Variants in TGM3 observed in about 807,000 individuals in gnomAD.
TGM3 encodes transglutaminase 3, also known as protein-glutamine gamma-glutamyltransferase E.
TGM3 carries 52 observed loss-of-function variants against 73.8 expected under a neutral mutation model. The observed-to-expected ratio is 0.70, with a 90% CI of 0.56 to 0.89. TGM3 has a LOEUF of 0.89. Among genes scored for constraint, TGM3 ranks in the 40% least tolerant of loss-of-function variants. TGM3 has a pLI of 0.00. For missense variants in TGM3, 928 were observed against 909.9 expected, an observed-to-expected ratio of 1.02 and a Z score of -0.26; for synonymous variants, 372 against 354.9, an observed-to-expected ratio of 1.05 and a Z score of -0.54.
chr20:2,338,362 A>G (rs1460436351), intron 11 of TGM3, among the ~76,000 whole-genome samples: 1 of 152,160 alleles, frequency 6.6e-6, no homozygotes, highest in East Asian at 1.9e-4. Flanking sequence ...AAAAAGAAAA[A>G]AAAGCATGGA....
intron 5 of TGM3, 37 bp from the exon 6 acceptor site, chr20:2,317,031 A>T: frequency 6.2e-7 from 1 of 1,607,884 alleles, no homozygotes; most frequent in Non-Finnish European, 8.5e-7. Context: ...GAAAGGCATT[A>T]GTGCTGACTC....
rs745555290 is a variant in TGM3, at chr20:2,340,387, AG to A, written c.1935-45del. On this transcript the variant is annotated intron_variant, in intron 12 of 12. Coordinates refer to ENST00000381458, the MANE Select transcript of TGM3 (RefSeq NM_003245.4). ...GGTCACAGGAGGCCCGTCCAGCCCA[AG>A]GTCCGTGTGTCTCGTATCAACACTG... The A allele has an allele frequency of 4.6e-5, 74 of 1,609,170 alleles. No individual in the cohort carries two copies. In the Middle Eastern group the frequency reaches 8.4e-4, roughly 18 times the overall value.
rs115896762 is a variant in TGM3 at position 2,296,017 on chromosome 20, C to T, written c.-47C>T. 3,827 of 1,550,666 alleles carry T rather than the reference C, an allele frequency of 2.5e-3. 89 individuals carry two copies. The African/African-American group carries it at 0.045, about 18-fold the overall frequency. On this transcript the variant is annotated 5_prime_UTR_variant, in exon 1 of 13. Coordinates refer to ENST00000381458, the MANE Select transcript of TGM3 (RefSeq NM_003245.4). Reference sequence around the variant, plus strand: ...TGGCAGCCTGTCTGTCAGCACTGTCCGTGCCATTCCCAGAGGAGCCTGAGA... The same window carrying T: ...TGGCAGCCTGTCTGTCAGCACTGTCTGTGCCATTCCCAGAGGAGCCTGAGA...
At chr20:2,311,214 C>T (rs2084201954) in intron 4 of TGM3, 85 bp downstream of exon 4, 2 of 1,060,802 alleles carry the variant, frequency 1.9e-6, no homozygotes, top group African/African-American at 3.2e-5. Flanking sequence ...ATGGGAAGTC[C>T]CACATCTGTC....
chr20:2,334,482 A>T lies in TGM3; in HGVS notation c.1643-634A>T, dbSNP rs2084337384. Among the ~76,000 whole-genome samples the T allele has an allele frequency of 6.6e-6, 1 of 152,194 alleles. No individual in the cohort carries two copies. The highest frequency in any genetic ancestry group is 2.4e-5 in the African/African-American group (1 of 41,448). On this transcript the variant is annotated intron_variant, in intron 10 of 12. Transcript: ENST00000381458. The surrounding 1 kb of genome is among the most constrained non-coding windows in gnomAD (Gnocchi z 4.0). ...ACTAGAGACCAGACCAGAGGAATGA[A>T]GGGGATGCTGTGGCAGTAGAACCCC...
chr20:2,324,398 A>G (rs1038514179), intron 7 of TGM3, among the ~76,000 whole-genome samples: 1 of 152,120 alleles, frequency 6.6e-6, no homozygotes, highest in Non-Finnish European at 1.5e-5. Context: ...CTTGAGGATA[A>G]ACCACATTTT....
chr20:2,324,520 G>T (rs1461895889), intron 7 of TGM3, among the ~76,000 whole-genome samples: 1 of 152,194 alleles, frequency 6.6e-6, no homozygotes, highest in East Asian at 1.9e-4. Flanking sequence ...CATGCAAACT[G>T]TCTCCCTTGC....
intron 11 of TGM3, among the ~76,000 whole-genome samples, chr20:2,336,261 A>G (rs953067865): frequency 3.3e-5 from 5 of 152,158 alleles, no homozygotes; most frequent in African/African-American, 1.2e-4. Context: ...ACCAGGGAGT[A>G]TAGGTCTGAA....
chr20:2,306,147 G>A (rs921368533), intron 1 of TGM3, among the ~76,000 whole-genome samples: 2 of 152,176 alleles, frequency 1.3e-5, no homozygotes, highest in Non-Finnish European at 2.9e-5. Flanking sequence ...CATGAACTTT[G>A]CTGGAGCAAA....
intron 1 of TGM3, among the ~76,000 whole-genome samples, chr20:2,300,116 T>G (rs6113616): frequency 0.23 from 16,326 of 69,678 alleles, 3,041 homozygotes; most frequent in African/African-American, 0.51. Flanking sequence ...AAAAAAAAAA[T>G]AAAGAAAGAA....
intron 5 of TGM3, among the ~76,000 whole-genome samples, chr20:2,315,453 C>T (rs540278348): frequency 2.0e-5 from 3 of 152,324 alleles, no homozygotes; most frequent in Admixed American, 6.5e-5. Context: ...GCCATGACAG[C>T]CCAGGACCTC....
chr20:2,300,800 T>C (rs772796224), intron 1 of TGM3, among the ~76,000 whole-genome samples: 1 of 152,192 alleles, frequency 6.6e-6, no homozygotes, highest in African/African-American at 2.4e-5. Flanking sequence ...TAGCAGCCCA[T>C]TAAAAGCTCA....
Position 2,327,492 on chromosome 20 carries a change from C to A in TGM3, c.1088-628C>A, listed in dbSNP as rs567898951. 1.4e-3 allele frequency among the ~76,000 whole-genome samples: 220 copies of A among 151,984 alleles called. 1 individual carries two copies. The highest frequency in any genetic ancestry group is 4.8e-3 in the African/African-American group (200 of 41,410). ...ACTGCATCTCAAAAAAACAAACAAA[C>A]AAACAAAAAAGATATAGTTAGACTA... On this transcript the variant is annotated intron_variant, in intron 8 of 12. Coordinates refer to ENST00000381458, the MANE Select transcript of TGM3 (RefSeq NM_003245.4).
rs141509139 is a variant in TGM3 at position 2,312,975 on chromosome 20, T to C, written c.618T>C (p.Asp206=). The part of the protein sequence containing the change: ...SLNFRRDAAT[D]VASRNDPKYV... ...ATTTCCGCCGTGACGCTGCTACTGA[T>C]GTGGCCAGCAGAAATGACCCCAAAT... The change falls in exon 5 of 13, where the codon GAT becomes GAC. Residue 206 remains aspartate, a synonymous_variant. Transcript: ENST00000381458. 1.5e-5 allele frequency: 25 copies of C among 1,614,116 alleles called. 1 individual carries two copies. The highest frequency in any genetic ancestry group is 2.1e-5 in the Non-Finnish European group (25 of 1,180,046).
In TGM3 at chr20:2,328,396, G is replaced by A. The variant is rs749794462; in HGVS notation, c.1333+31G>A. 2.9e-5 allele frequency: 46 copies of A among 1,612,280 alleles called. 1 individual carries two copies. The highest frequency in any genetic ancestry group is 3.0e-5 in the Non-Finnish European group (35 of 1,179,122). ...AGGGACGCTGGCGGGGCAGTGCCGCGAGAGGTTCTATTGTGGGAGGATGGC... is the reference window on the plus strand; with the variant it reads ...AGGGACGCTGGCGGGGCAGTGCCGCAAGAGGTTCTATTGTGGGAGGATGGC... On this transcript the variant is annotated intron_variant, in intron 9 of 12. Transcript: ENST00000381458. The surrounding 1 kb of genome is among the most constrained non-coding windows in gnomAD (Gnocchi z 5.2).
At position 2,332,531 on chromosome 20, in the gene TGM3, GC is replaced by G. The variant is rs113809946; in HGVS notation, c.1642+225del. On this transcript the variant is annotated intron_variant, in intron 10 of 12. Transcript: ENST00000381458. This position sits in a 1 kb window ranked among gnomAD's most constrained non-coding sequence, Gnocchi z 4.4. The stretch of plus-strand genomic sequence containing the variant: ...GTGGTGCCAACCAAAATCCTTTTAC[GC>G]CCCAAGGGAGGAAGGAGGGAGGCTT... Among the ~76,000 whole-genome samples the G allele has an allele frequency of 9.0e-3, 1,375 of 152,256 alleles. 19 individuals carry two copies. Among genetic ancestry groups the G allele is most frequent in the African/African-American group, 0.032 (1,312 of 41,534 alleles).
chr20:2,311,296 T>G (rs1423359460), intron 4 of TGM3, among the ~76,000 whole-genome samples, 167 bp downstream of exon 4: 1 of 151,804 alleles, frequency 6.6e-6, no homozygotes, highest in Non-Finnish European at 1.5e-5. Context: ...TGTCAGACCC[T>G]GGGATCCACA....
intron 8 of TGM3, among the ~76,000 whole-genome samples, chr20:2,327,525 T>C (rs2084295307): frequency 6.6e-6 from 1 of 152,128 alleles, no homozygotes; most frequent in African/African-American, 2.4e-5. Context: ...CTAAAGACCA[T>C]TGTCCTGTGA....
rs1385447839 is a variant in TGM3, at chr20:2,326,424, T to C, written c.1087+472T>C. ...CGGGCCTCTGCTTCCTCCTCTGGCC[T>C]CCCTCTGTCTCCTGCCCCATCAGGG... On this transcript the variant is annotated intron_variant, in intron 8 of 12. Transcript: ENST00000381458. Among the ~76,000 whole-genome samples the C allele has an allele frequency of 1.3e-5, 2 of 152,248 alleles. 1 individual carries two copies. Among genetic ancestry groups the C allele is most frequent in the Non-Finnish European group, 2.9e-5 (2 of 68,046 alleles).
Sources: gnomAD v4.1 joint callset for allele counts (sites outside exome capture counted in the v4.1 genomes callset) on GRCh38, gnomAD v4.1.1 for gene constraint, Gnocchi (gnomAD v3.1) non-coding constraint, MANE v1.5 for transcripts, NCBI Gene and HGNC (gene_info 2026-07-23, HGNC 2026-07-21) for gene names.